The following BSN variants were observed in gnomAD, a reference collection of about 807,000 sequenced individuals.
The protein encoded by BSN is protein bassoon.
BSN carries 57 observed loss-of-function variants against 264.8 expected under a neutral mutation model. The observed-to-expected ratio is 0.22, with a 90% CI of 0.17 to 0.27. BSN has a LOEUF of 0.27. BSN is among the 10% of genes least tolerant of loss of function. The probability of loss-of-function intolerance (pLI) is 1.00; values close to 1 mark genes in which losing one functional copy is unlikely to be tolerated. For missense variants in BSN, 4,615 were observed against 5,232.5 expected, an observed-to-expected ratio of 0.88 and a Z score of 3.64; for synonymous variants, 2,059 against 2,137.3, an observed-to-expected ratio of 0.96 and a Z score of 1.01.
Position 49,663,284 on chromosome 3 carries a change from C to T in BSN, c.11126C>T (p.Ser3709Phe), listed in dbSNP as rs1005575693. 6.2e-7 allele frequency: 1 copy of T among 1,614,158 alleles called. No homozygotes were observed. The highest frequency in any genetic ancestry group is 1.1e-5 in the South Asian group (1 of 91,090). The change falls in exon 7 of 12, where the codon TCC becomes TTC. Residue 3709 changes from serine to phenylalanine, a missense_variant. Ser to Phe is a radical substitution (Grantham distance 155). Around this residue, in one of 3 missense-constraint regions of BSN, gnomAD observed 3,415 missense variants for 3,866.4 expected, o/e 0.88. Coordinates refer to ENST00000296452, the MANE Select transcript of BSN (RefSeq NM_003458.4). The part of the protein sequence containing the change: ...YPSSAEYSQP[S>F]RASSAYHHAS... ...AGCTCTGCTGAGTACTCACAGCCAT[C>T]CCGTGCTTCATCCGCATACCATCAT...
At chr3:49,564,217 G>A (rs959854015) in intron 1 of BSN, among the ~76,000 whole-genome samples, 1 of 152,102 alleles carries the variant, frequency 6.6e-6, no homozygotes, top group Admixed American at 6.5e-5. Context: ...TGAAGGATGC[G>A]GGGCCTTCCC....
chr3:49,636,855 G>C (rs2052423988), intron 2 of BSN, among the ~76,000 whole-genome samples: 1 of 152,232 alleles, frequency 6.6e-6, no homozygotes, highest in African/African-American at 2.4e-5. Context: ...TGAGTATCCA[G>C]GCTAGGCCTG....
chr3:49,573,217 A>G (rs2051811227), intron 1 of BSN, among the ~76,000 whole-genome samples: 1 of 152,176 alleles, frequency 6.6e-6, no homozygotes, highest in Non-Finnish European at 1.5e-5. Flanking sequence ...GACATGTGTG[A>G]TGTGTGTCTG....
At chr3:49,613,409 A>G (rs983595636) in intron 1 of BSN, among the ~76,000 whole-genome samples, 2 of 150,848 alleles carry the variant, frequency 1.3e-5, no homozygotes, top group African/African-American at 4.9e-5. Flanking sequence ...GGGGCTAGCT[A>G]TATCTCTGAA....
At chr3:49,665,751 A>G (rs571497288) in intron 11 of BSN, among the ~76,000 whole-genome samples, 14 of 152,266 alleles carry the variant, frequency 9.2e-5, no homozygotes, top group Non-Finnish European at 1.3e-4. Flanking sequence ...AATGAAGTCA[A>G]AACACTCCTG....
At position 49,660,567 on chromosome 3, in the gene BSN, C is replaced by A; in HGVS notation, c.8722C>A (p.Pro2908Thr). ...CCCCCCTCCAGAGGAGGCTCACCTT[C>A]CCCTGGCTGGCCAGGCCTCCCCACA... is the stretch of plus-strand genomic sequence containing the variant. ...PSPPPEEAHL[P>T]LAGQASPQLY... Residue 2908 changes from proline (P) to threonine (T), a missense_variant, in exon 6 of 12, where the codon CCC (proline) becomes ACC (threonine). Physicochemically the swap from Pro to Thr is conservative, Grantham distance 38. This residue lies in a region of BSN where 3,415 missense variants were observed against 3,866.4 expected (regional missense o/e 0.88). Coordinates refer to ENST00000296452, the MANE Select transcript of BSN (RefSeq NM_003458.4). This position sits in a 1 kb window ranked among gnomAD's most constrained non-coding sequence, Gnocchi z 7.1. 1 of 1,604,654 alleles carries A rather than the reference C, an allele frequency of 6.2e-7. No individual in the cohort carries two copies. Among genetic ancestry groups the A allele is most frequent in the Admixed American group, 1.7e-5 (1 of 59,514 alleles).
intron 1 of BSN, among the ~76,000 whole-genome samples, chr3:49,614,615 C>T (rs921811384): frequency 3.3e-5 from 5 of 152,178 alleles, no homozygotes; most frequent in Non-Finnish European, 7.3e-5. Context: ...TGAGGCAGGT[C>T]TAAGGGTTTG....
rs1041283835 is a variant in BSN, at chr3:49,660,546, C to G, written c.8701C>G (p.Pro2901Ala). ...GGTGAAGCGGACACTGCCCAGCCCC[C>G]CTCCAGAGGAGGCTCACCTTCCCCT... ...RKVKRTLPSPPPEEAHLPLAG... is the reference protein window; with the variant it reads ...RKVKRTLPSPAPEEAHLPLAG... Residue 2901 changes from proline (P) to alanine (A), a missense_variant, in exon 6 of 12, where the codon CCT becomes GCT. Physicochemically the swap from Pro to Ala is conservative, Grantham distance 27. This residue lies in a region of BSN where 3,415 missense variants were observed against 3,866.4 expected (regional missense o/e 0.88). Coordinates refer to ENST00000296452, the MANE Select transcript of BSN (RefSeq NM_003458.4). The surrounding 1 kb of genome is among the most constrained non-coding windows in gnomAD (Gnocchi z 7.1). 1.9e-6 allele frequency: 3 copies of G among 1,580,906 alleles called. No individual in the cohort carries two copies. The highest frequency in any genetic ancestry group is 3.5e-5 in the Admixed American group (2 of 56,890).
intron 1 of BSN, among the ~76,000 whole-genome samples, chr3:49,583,679 T>C (rs755761305): frequency 4.6e-5 from 7 of 152,328 alleles, no homozygotes; most frequent in Non-Finnish European, 7.4e-5. Flanking sequence ...TGAAGACAAC[T>C]GAGCATAAGC....
At chr3:49,624,585 C>T (rs2052328528) in intron 1 of BSN, among the ~76,000 whole-genome samples, 1 of 152,130 alleles carries the variant, frequency 6.6e-6, no homozygotes, top group South Asian at 2.1e-4. Context: ...AGGCTTGAGC[C>T]ACCATACCTG....
chr3:49,575,437 AAT>A lies in BSN; in HGVS notation c.224+20618_224+20619del, dbSNP rs564752072. On this transcript the variant is annotated intron_variant, in intron 1 of 11. Coordinates refer to ENST00000296452, the MANE Select transcript of BSN (RefSeq NM_003458.4). ...ATATATATATGTGTATATATATGTA[AAT>A]ATATATGTGTGTATATATGTAAATA... Among the ~76,000 whole-genome samples, 163 of 146,260 alleles carry A rather than the reference AAT, an allele frequency of 1.1e-3. 2 individuals are homozygous for A. The Middle Eastern group carries it at 0.014, about 13-fold the overall frequency.
chr3:49,619,250 T>G (rs2052284392), intron 1 of BSN, among the ~76,000 whole-genome samples: 1 of 152,238 alleles, frequency 6.6e-6, no homozygotes. Context: ...GTTCTGGTTG[T>G]TGTGCATGTG....
intron 3 of BSN, among the ~76,000 whole-genome samples, chr3:49,647,639 CGGA>C (rs1260410304): frequency 6.6e-6 from 1 of 152,048 alleles, no homozygotes; most frequent in Admixed American, 6.5e-5. Flanking sequence ...TGGAAACGAG[CGGA>C]AGAATAAGGG....
chr3:49,654,692 G>A lies in BSN; in HGVS notation c.5136G>A (p.Gln1712=). The A allele has an allele frequency of 1.2e-6, 2 of 1,613,706 alleles. No homozygotes were observed. Among genetic ancestry groups the A allele is most frequent in the Non-Finnish European group, 1.7e-6 (2 of 1,180,032 alleles). ...PIPGRQSTAV[Q]PLVINLNAQE... is the part of the protein sequence containing the mutation. The stretch of plus-strand genomic sequence containing the variant: ...CAGGACGGCAGTCGACCGCCGTGCA[G>A]CCCTTGGTTATCAACCTCAATGCCC... Residue 1712 remains glutamine (Q), a synonymous_variant, in exon 5 of 12, where the codon CAG becomes CAA. Coordinates refer to ENST00000296452, the MANE Select transcript of BSN (RefSeq NM_003458.4). The surrounding 1 kb of genome is among the most constrained non-coding windows in gnomAD (Gnocchi z 4.1).
chr3:49,658,311 GC>G, intron 5 of BSN, 115 bp downstream of exon 5: 1 of 1,275,728 alleles, frequency 7.8e-7, no homozygotes, highest in Non-Finnish European at 1.0e-6. Flanking sequence ...GGCCCCAGAG[GC>G]CCAGGGGAAA....
rs753909503 is a variant in BSN at position 49,652,990 on chromosome 3, G to A, written c.3434G>A (p.Arg1145Gln). 81 of 1,613,342 alleles carry A rather than the reference G, an allele frequency of 5.0e-5. No individual in the cohort carries two copies. The South Asian group carries it at 7.2e-4, about 14-fold the overall frequency. ...GAGGCCTTGGATGGTGGCCCTAGCC[G>A]GCTTTACAAGTCAGGCAGTGAGTAC... Reference protein sequence around the residue: ...EAEALDGGPSRLYKSGSEYNL... With the variant: ...EAEALDGGPSQLYKSGSEYNL... Residue 1145 changes from arginine (R) to glutamine (Q), a missense_variant, in exon 5 of 12, where the codon CGG becomes CAG. Around this residue, in one of 3 missense-constraint regions of BSN, gnomAD observed 3,415 missense variants for 3,866.4 expected, o/e 0.88. Transcript: ENST00000296452.
chr3:49,576,979 A>G (rs547740346), intron 1 of BSN, among the ~76,000 whole-genome samples: 2 of 152,276 alleles, frequency 1.3e-5, no homozygotes, highest in South Asian at 4.2e-4. Context: ...ACTCTTCTCC[A>G]AAGGTTTTGG....
chr3:49,650,101 C>T (rs1210539686), intron 3 of BSN, among the ~76,000 whole-genome samples: 5 of 152,318 alleles, frequency 3.3e-5, no homozygotes, highest in Admixed American at 1.3e-4. Flanking sequence ...CTAGCATAGC[C>T]CTTACCTGGG....
chr3:49,634,657 G>T (rs980707545), intron 2 of BSN, among the ~76,000 whole-genome samples: 3 of 152,208 alleles, frequency 2.0e-5, no homozygotes, highest in African/African-American at 7.2e-5. Context: ...CTCCCAAAGT[G>T]CTGGGATTAC....
Sources: gnomAD v4.1 joint callset for allele counts (sites outside exome capture counted in the v4.1 genomes callset) on GRCh38, gnomAD v4.1.1 for gene constraint, gnomAD v4.1.1 regional missense constraint, Gnocchi (gnomAD v3.1) non-coding constraint, MANE v1.5 for transcripts, NCBI Gene and HGNC (gene_info 2026-07-23, HGNC 2026-07-21) for gene names.